The following DLG2 variants were observed in gnomAD, a reference collection of about 807,000 sequenced individuals.
DLG2 encodes discs large MAGUK scaffold protein 2.
In DLG2, 45 loss-of-function variants were observed where a neutral mutation model predicts 132.5. The observed-to-expected ratio is 0.34, with a 90% confidence interval of 0.27 to 0.44. DLG2 has a LOEUF of 0.44. Ranked by LOEUF, DLG2 falls within the 20% of genes least tolerant of loss-of-function variation. The pLI is 1.00. For missense variants in DLG2, 1,045 were observed against 1,196.9 expected (o/e 0.87, Z 1.87); for synonymous variants, 424 against 419.6 (o/e 1.01, Z -0.13).
At chr11:83,697,041 T>A (rs1169384209) in intron 18 of DLG2, among the ~76,000 whole-genome samples, 1 of 152,190 alleles carries the variant, frequency 6.6e-6, no homozygotes, top group African/African-American at 2.4e-5. Flanking sequence ...TTTCTGTGGG[T>A]GAGGTCCTAT....
At chr11:83,726,756 CAAACA>C (rs2090082631) in intron 18 of DLG2, among the ~76,000 whole-genome samples, 1 of 132,384 alleles carries the variant, frequency 7.6e-6, no homozygotes, top group Admixed American at 7.4e-5. Flanking sequence ...TGAAAACAAA[CAAACA>C]AACAAACAAA....
At chr11:83,786,823 A>G in intron 17 of DLG2, 31 bp from the exon 18 acceptor site, 1 of 1,596,796 alleles carries the variant, frequency 6.3e-7, no homozygotes, top group Non-Finnish European at 8.6e-7. Flanking sequence ...GAATCTTGGT[A>G]TTTCATAAGG....
intron 3 of DLG2, among the ~76,000 whole-genome samples, chr11:85,353,577 T>C (rs1430281586): frequency 6.6e-6 from 1 of 152,138 alleles, no homozygotes; most frequent in Non-Finnish European, 1.5e-5. Context: ...AGCAAAGACT[T>C]GGAACCAACC....
chr11:83,565,290 C>G (rs1452446520), intron 19 of DLG2, among the ~76,000 whole-genome samples: 3 of 152,214 alleles, frequency 2.0e-5, no homozygotes, highest in Non-Finnish European at 4.4e-5. Context: ...AAACTGTTCA[C>G]TCAGCAAACA....
intron 5 of DLG2, among the ~76,000 whole-genome samples, chr11:85,126,284 G>T (rs2075100913): frequency 6.6e-6 from 1 of 152,110 alleles, no homozygotes; most frequent in Non-Finnish European, 1.5e-5. Context: ...GAGAAATTTA[G>T]GTTCTAAGTC....
chr11:84,764,318 T>C (rs1038427345), intron 6 of DLG2, among the ~76,000 whole-genome samples: 3 of 152,180 alleles, frequency 2.0e-5, no homozygotes, highest in African/African-American at 7.2e-5. Context: ...ACTCTACTTG[T>C]CAAATAAGTA....
chr11:85,527,226 T>C (rs1418827118), intron 3 of DLG2, among the ~76,000 whole-genome samples: 1 of 151,920 alleles, frequency 6.6e-6, no homozygotes, highest in Non-Finnish European at 1.5e-5. Flanking sequence ...ATGTGCCAAA[T>C]GTGTGGGTTT....
At chr11:83,874,307 A>AGAAG in intron 16 of DLG2, 113 bp downstream of exon 16, 1 of 546,020 alleles carries the variant, frequency 1.8e-6, no homozygotes, top group Non-Finnish European at 2.9e-6. Flanking sequence ...AAGGAAGGAA[A>AGAAG]GAAGGAAGGG....
intron 7 of DLG2, among the ~76,000 whole-genome samples, chr11:84,375,349 T>A (rs1264995084): frequency 6.6e-6 from 1 of 152,194 alleles, no homozygotes; most frequent in Non-Finnish European, 1.5e-5. Context: ...ATTATTGCGC[T>A]GTTTTTGTTC....
rs114424941 is a variant in DLG2 at position 85,267,220 on chromosome 11, C to T, written c.186+18000G>A. ...TTACTTTCTCCCGCTCTGTTCTCTG[C>T]TATGTGAAGGTACAACAACACGGCT... On this transcript the variant is annotated intron_variant, in intron 4 of 27. Transcript: ENST00000376104. 6.2e-3 allele frequency among the ~76,000 whole-genome samples: 949 copies of T among 152,292 alleles called. 10 individuals carry two copies. Among genetic ancestry groups the T allele is most frequent in the African/African-American group, 0.021 (890 of 41,548 alleles).
chr11:85,348,418 T>C (rs971947576), intron 3 of DLG2, among the ~76,000 whole-genome samples: 1 of 151,630 alleles, frequency 6.6e-6, no homozygotes, highest in East Asian at 1.9e-4. Flanking sequence ...AGAGACAGGG[T>C]TTCATCATGT....
chr11:84,661,026 A>G (rs1318041359), intron 6 of DLG2, among the ~76,000 whole-genome samples: 2 of 152,208 alleles, frequency 1.3e-5, no homozygotes, highest in South Asian at 2.1e-4. Context: ...ATGATTAATT[A>G]AAGTTAGTGT....
chr11:83,743,510 T>C (rs950703409), intron 18 of DLG2, among the ~76,000 whole-genome samples: 8 of 145,982 alleles, frequency 5.5e-5, no homozygotes, highest in African/African-American at 2.0e-4. Context: ...CAGTTCACAC[T>C]ACAATTTCGA....
intron 6 of DLG2, among the ~76,000 whole-genome samples, chr11:84,624,045 C>G (rs2099618183): frequency 6.6e-6 from 1 of 152,224 alleles, no homozygotes; most frequent in South Asian, 2.1e-4. Context: ...GAATAATGAA[C>G]CATAACAGAA....
At chr11:84,555,545 G>T (rs1489932708) in intron 6 of DLG2, among the ~76,000 whole-genome samples, 4 of 152,184 alleles carry the variant, frequency 2.6e-5, no homozygotes, top group African/African-American at 9.6e-5. Flanking sequence ...ATTATGCTAA[G>T]TGAAATAGGT....
chr11:85,031,657 C>T (rs1298155787), intron 6 of DLG2, among the ~76,000 whole-genome samples: 1 of 152,040 alleles, frequency 6.6e-6, no homozygotes, highest in Non-Finnish European at 1.5e-5. Flanking sequence ...GACCACACTC[C>T]TCTATCAACT....
intron 18 of DLG2, among the ~76,000 whole-genome samples, chr11:83,760,523 T>G (rs988167664): frequency 2.6e-5 from 4 of 152,172 alleles, no homozygotes; most frequent in Admixed American, 2.0e-4. Context: ...CCCGGCTAAT[T>G]TTTGTTATTT....
intron 19 of DLG2, among the ~76,000 whole-genome samples, chr11:83,575,432 G>T (rs1387911703): frequency 1.3e-5 from 2 of 152,148 alleles, no homozygotes; most frequent in Non-Finnish European, 2.9e-5. Context: ...GCTAGAGTTT[G>T]CAGAAAAGAG....
At chr11:84,414,886 C>T (rs1052326830) in intron 7 of DLG2, among the ~76,000 whole-genome samples, 20 of 152,116 alleles carry the variant, frequency 1.3e-4, no homozygotes, top group African/African-American at 4.3e-4. Flanking sequence ...AATATGTATC[C>T]TTTATCCTTG....
Sources: allele counts gnomAD v4.1 joint callset (sites outside exome capture counted in the v4.1 genomes callset), GRCh38; gene constraint gnomAD v4.1.1; transcripts MANE v1.5; gene names NCBI Gene and HGNC (gene_info 2026-07-23, HGNC 2026-07-21).